PDZD2: variants seen among roughly 807,000 people sequenced by gnomAD.
PDZD2 encodes the protein PDZ domain-containing protein 2.
A neutral mutation model predicts 220.7 loss-of-function variants in PDZD2; 90 were observed. The ratio of observed to expected loss-of-function variants is 0.41; its 90% CI spans 0.34 to 0.49. PDZD2 has a LOEUF of 0.49. Ranked by LOEUF, PDZD2 falls within the 20% of genes least tolerant of loss-of-function variation. The pLI, the probability that PDZD2 is intolerant of heterozygous loss-of-function variation, is 0.28. For synonymous variants in PDZD2, 1,375 were observed against 1,450.5 expected (o/e 0.95, Z 1.18); for missense variants, 3,174 against 3,608.5 (o/e 0.88, Z 3.08).
At position 32,074,057 on chromosome 5, in the gene PDZD2, C is replaced by T; in HGVS notation, c.2951C>T (p.Ser984Leu). 1 of 1,614,126 alleles carries T rather than the reference C, an allele frequency of 6.2e-7. No individual in the cohort carries two copies. Among genetic ancestry groups the T allele is most frequent in the Non-Finnish European group, 8.5e-7 (1 of 1,179,984 alleles). Residue 984 changes from serine (S) to leucine (L), a missense_variant, in exon 18 of 25, where the codon TCA becomes TTA. By Grantham distance (145) the Ser-to-Leu change is moderately radical. Transcript: ENST00000438447. ...TTTGACAGAGAAGGGGACTGCATTT[C>T]ACTCCCAGGGGCCCTCCCGGGTCCC... ...EEFDREGDCISLPGALPGPIR... is the reference protein window; with the variant it reads ...EEFDREGDCILLPGALPGPIR...
intron 1 of PDZD2, among the ~76,000 whole-genome samples, chr5:31,763,266 C>G (rs572162999): frequency 1.3e-5 from 2 of 152,238 alleles, no homozygotes; most frequent in East Asian, 3.9e-4. Context: ...GCCACAGTCC[C>G]TAGGGCCTCC....
At position 31,689,308 on chromosome 5, in the gene PDZD2, C is replaced by T. The variant is rs1438097959; in HGVS notation, c.-361+49871C>T. Among the ~76,000 whole-genome samples, 69 of 98,170 alleles carry T rather than the reference C, an allele frequency of 7.0e-4. 1 individual carries two copies. The highest frequency in any genetic ancestry group is 2.8e-3 in the African/African-American group (68 of 23,962). 64.4% of individuals were successfully genotyped at this position (98,170 alleles called of 152,430 possible). On this transcript the variant is annotated intron_variant, in intron 1 of 24. Coordinates refer to ENST00000438447, the MANE Select transcript of PDZD2 (RefSeq NM_178140.4). Reference sequence around the variant, plus strand: ...ATACATACATATACATATACACATACATACATATACACATATATATACATA... The same window carrying T: ...ATACATACATATACATATACACATATATACATATACACATATATATACATA...
At chr5:31,716,093 C>T (rs562952849) in intron 1 of PDZD2, among the ~76,000 whole-genome samples, 1 of 152,272 alleles carries the variant, frequency 6.6e-6, no homozygotes, top group South Asian at 2.1e-4. Flanking sequence ...CCCATCTTCT[C>T]CCAAAACTAG....
chr5:31,762,767 C>G (rs912094425), intron 1 of PDZD2, among the ~76,000 whole-genome samples: 14 of 152,142 alleles, frequency 9.2e-5, no homozygotes, highest in Admixed American at 8.5e-4. Flanking sequence ...TAGATGGAAC[C>G]ATTAAGTAAT....
At chr5:31,938,623 A>AGAG (rs78511358) in intron 2 of PDZD2, among the ~76,000 whole-genome samples, 62,235 of 151,918 alleles carry the variant, frequency 0.41, 13,221 homozygotes, top group Middle Eastern at 0.57. Flanking sequence ...TGCTGGCTAG[A>AGAG]CTTCCACAAT....
At chr5:32,034,390 G>A (rs1328881280) in intron 6 of PDZD2, among the ~76,000 whole-genome samples, 3 of 138,802 alleles carry the variant, frequency 2.2e-5, no homozygotes, top group East Asian at 2.1e-4. Context: ...ACAGAGTCTC[G>A]CTCTGTCACC....
chr5:31,680,620 G>A (rs1287566840), intron 1 of PDZD2, among the ~76,000 whole-genome samples: 1 of 152,178 alleles, frequency 6.6e-6, no homozygotes, highest in East Asian at 1.9e-4. Context: ...CCGTTTCTGT[G>A]GCCAGACCCT....
rs1438681947 is a variant in PDZD2 at position 32,055,733 on chromosome 5, C to T, written c.1900+1850C>T. On this transcript the variant is annotated intron_variant, in intron 10 of 24. Coordinates refer to ENST00000438447, the MANE Select transcript of PDZD2 (RefSeq NM_178140.4). ...CCTATTTTTTAGGCAGAGCAACCAT[C>T]GAACCCTGTATGCTAACAATAAGAC... Among the ~76,000 whole-genome samples, 7 of 152,118 alleles carry T rather than the reference C, an allele frequency of 4.6e-5. No individual in the cohort carries two copies. In the South Asian group the frequency reaches 8.3e-4, roughly 18 times the overall value.
chr5:31,700,380 G>A (rs1347422958), intron 1 of PDZD2, among the ~76,000 whole-genome samples: 2 of 152,206 alleles, frequency 1.3e-5, no homozygotes, highest in East Asian at 1.9e-4. Context: ...CTTGGGATGC[G>A]TGTGTTAAAG....
At chr5:31,816,233 A>T (rs1232056946) in intron 2 of PDZD2, among the ~76,000 whole-genome samples, 1 of 148,708 alleles carries the variant, frequency 6.7e-6, no homozygotes, top group South Asian at 2.1e-4. Flanking sequence ...GCTTGCAGTG[A>T]GCCGAGATCG....
In PDZD2 at chr5:32,076,375, C is replaced by T. The variant is rs1023662412; in HGVS notation, c.3538-1087C>T. ...GGTTTTTATTCATAATAATTTATAT[C>T]TATTAAAATAAGAGTTTTGTAATTC... On this transcript the variant is annotated intron_variant, in intron 18 of 24. Transcript: ENST00000438447. 2.0e-5 allele frequency among the ~76,000 whole-genome samples: 3 copies of T among 149,264 alleles called. No individual in the cohort carries two copies. In the East Asian group the frequency reaches 6.0e-4, roughly 30 times the overall value.
intron 2 of PDZD2, among the ~76,000 whole-genome samples, chr5:31,960,442 T>C (rs541351602): frequency 1.3e-5 from 2 of 152,146 alleles, no homozygotes; most frequent in African/African-American, 4.8e-5. Context: ...ACTCCTGACC[T>C]CAGGTGGTCT....
intron 2 of PDZD2, among the ~76,000 whole-genome samples, chr5:31,979,940 A>G (rs752037541): frequency 8.5e-5 from 13 of 152,216 alleles, no homozygotes; most frequent in Non-Finnish European, 1.6e-4. Context: ...TTAGGTAAAT[A>G]GTGTCTATGA....
rs528385958 is a variant in PDZD2, at chr5:31,987,150, T to A, written c.978+3494T>A. On this transcript the variant is annotated intron_variant, in intron 3 of 24. Transcript: ENST00000438447. The stretch of plus-strand genomic sequence containing the variant: ...GAGAGTTTTTGCGAGTCTGCTTATA[T>A]AGAATGTAATGTATTTTTGTAATGC... Among the ~76,000 whole-genome samples the A allele has an allele frequency of 5.9e-5, 9 of 152,286 alleles. No individual in the cohort carries two copies. The East Asian group carries it at 1.7e-3, about 29-fold the overall frequency.
At chr5:32,034,200 C>T (rs1488011024) in intron 6 of PDZD2, among the ~76,000 whole-genome samples, 3 of 152,086 alleles carry the variant, frequency 2.0e-5, no homozygotes, top group South Asian at 2.1e-4. Context: ...ATGAGCATCT[C>T]AGACAGACTT....
rs74390491 is a variant in PDZD2, at chr5:32,074,171, G to A, written c.3065G>A (p.Arg1022Gln). ...MDVHNQEERP[R>Q]KTLVSKAISA... The stretch of plus-strand genomic sequence containing the variant: ...GTCCACAACCAAGAGGAACGACCCC[G>A]GAAAACACTGGTGAGCAAGGCCATC... Residue 1022 changes from arginine to glutamine, a missense_variant, in exon 18 of 25, where the codon CGG (arginine) becomes CAG (glutamine). By Grantham distance (43) the Arg-to-Gln change is conservative. Coordinates refer to ENST00000438447, the MANE Select transcript of PDZD2 (RefSeq NM_178140.4). The A allele has an allele frequency of 1.9e-5, 31 of 1,614,184 alleles. No individual in the cohort carries two copies. In the Middle Eastern group the frequency reaches 4.9e-4, roughly 26 times the overall value.
intron 10 of PDZD2, 152 bp from the exon 11 acceptor site, chr5:32,057,503 G>C (rs1739201420): frequency 5.2e-6 from 3 of 580,776 alleles, no homozygotes; most frequent in Admixed American, 6.5e-5. Context: ...CCCATTTTGT[G>C]ACATTCCTGG....
intron 2 of PDZD2, among the ~76,000 whole-genome samples, chr5:31,806,747 C>A (rs1470962562): frequency 6.6e-6 from 1 of 152,120 alleles, no homozygotes; most frequent in East Asian, 1.9e-4. Context: ...CCAGTCACTT[C>A]CTAGCTTTCT....
chr5:32,069,450 C>T (rs1740546595), intron 14 of PDZD2, 119 bp from the exon 15 acceptor site: 2 of 669,126 alleles, frequency 3.0e-6, no homozygotes, highest in Non-Finnish European at 5.5e-6. Context: ...TGGTCATAAT[C>T]CTTGGCCCTG....
Sources: gnomAD v4.1 joint callset for allele counts (sites outside exome capture counted in the v4.1 genomes callset) on GRCh38, gnomAD v4.1.1 for gene constraint, MANE v1.5 for transcripts, NCBI Gene and HGNC (gene_info 2026-07-23, HGNC 2026-07-21) for gene names.